Variants in FAM13A observed in about 807,000 individuals in gnomAD.
FAM13A encodes the protein family with sequence similarity 13 member A.
In FAM13A, 76 loss-of-function variants were observed where a neutral mutation model predicts 129.6. The observed-to-expected ratio is 0.59, with a 90% CI of 0.49 to 0.71. The LOEUF is 0.71. Among genes scored for constraint, FAM13A ranks in the 30% least tolerant of loss-of-function variants. The probability of loss-of-function intolerance (pLI) is 0.00; values close to 1 mark genes in which losing one functional copy is unlikely to be tolerated. For missense variants in FAM13A, 1,108 were observed against 1,249.3 expected (o/e 0.89, Z 1.70); for synonymous variants, 443 against 449.9 (o/e 0.98, Z 0.20).
intron 2 of FAM13A, among the ~76,000 whole-genome samples, chr4:89,025,694 G>A (rs1303488043): frequency 6.6e-6 from 1 of 152,126 alleles, no homozygotes; most frequent in Non-Finnish European, 1.5e-5. Context: ...TTAAAAATGA[G>A]TAAAGCTCTT....
At position 88,906,362 on chromosome 4, in the gene FAM13A, G is replaced by T; in HGVS notation, c.843+17C>A. ...TAAAGATTTCACATGGTCGCCTACA[G>T]AGAAAACATAGTTTACCTTGGTTTT... On this transcript the variant is annotated intron_variant, in intron 6 of 23. Transcript: ENST00000264344. The T allele has an allele frequency of 6.5e-7, 1 of 1,531,596 alleles. No homozygotes were observed. The highest frequency in any genetic ancestry group is 9.0e-7 in the Non-Finnish European group (1 of 1,110,812). 94.9% of individuals were successfully genotyped at this position (1,531,596 alleles called of 1,614,324 possible).
chr4:88,730,159 A>G (rs1479242708), intron 23 of FAM13A: 1 of 152,204 alleles, frequency 6.6e-6, no homozygotes, highest in African/African-American at 2.4e-5. Flanking sequence ...AAGAGGACTC[A>G]AGAGAAACAA....
At chr4:88,759,513 A>T (rs574464368) in intron 13 of FAM13A, 8 of 152,340 alleles carry the variant, frequency 5.3e-5, no homozygotes, top group African/African-American at 1.2e-4. Flanking sequence ...TTGTTGCGCA[A>T]ATTCAAACAG....
chr4:88,814,994 C>T (rs766297891), intron 7 of FAM13A, among the ~76,000 whole-genome samples: 6 of 151,980 alleles, frequency 3.9e-5, no homozygotes, highest in Non-Finnish European at 8.8e-5. Flanking sequence ...CATATGCCAC[C>T]ATGCACAGAT....
At chr4:89,034,710 C>A (rs1389286035) in intron 1 of FAM13A, among the ~76,000 whole-genome samples, 1 of 152,088 alleles carries the variant, frequency 6.6e-6, no homozygotes, top group East Asian at 1.9e-4. Flanking sequence ...GGCGAAACCC[C>A]ATCTCTACTA....
At position 88,747,030 on chromosome 4, in the gene FAM13A, G is replaced by A; in HGVS notation, c.2383-15C>T. ...TTGGTCATATCCTGTATAAACACAG[G>A]GATAGAGAATTGAAAGAGAGGAAAA... is the stretch of plus-strand genomic sequence containing the variant. On this transcript the variant is annotated splice_polypyrimidine_tract_variant and intron_variant, in intron 18 of 23. Transcript: ENST00000264344. The A allele has an allele frequency of 3.2e-6, 5 of 1,548,246 alleles. No homozygotes were observed. In the South Asian group the frequency reaches 4.5e-5, roughly 14 times the overall value.
At chr4:89,037,254 T>C (rs1165560429) in intron 1 of FAM13A, among the ~76,000 whole-genome samples, 1 of 152,226 alleles carries the variant, frequency 6.6e-6, no homozygotes, top group East Asian at 1.9e-4. Flanking sequence ...CCCAAGTCCT[T>C]GGGAGCCCAC....
At chr4:88,802,764 C>T (rs951618721) in intron 8 of FAM13A, among the ~76,000 whole-genome samples, 15 of 152,134 alleles carry the variant, frequency 9.9e-5, no homozygotes, top group African/African-American at 2.9e-4. Context: ...ACACGCTCTC[C>T]GTCTGCATCC....
intron 5 of FAM13A, among the ~76,000 whole-genome samples, chr4:88,924,072 G>C (rs1221413453): frequency 6.6e-6 from 1 of 152,130 alleles, no homozygotes; most frequent in Non-Finnish European, 1.5e-5. Flanking sequence ...ACAAATGGAA[G>C]AACATTCCAT....
chr4:88,820,128 T>C (rs550311657), intron 7 of FAM13A, among the ~76,000 whole-genome samples: 1 of 152,348 alleles, frequency 6.6e-6, no homozygotes, highest in Non-Finnish European at 1.5e-5. Flanking sequence ...GTATCTTCTA[T>C]ACACTCTCAC....
At chr4:88,951,104 C>A (rs1408568872) in intron 4 of FAM13A, among the ~76,000 whole-genome samples, 3 of 152,160 alleles carry the variant, frequency 2.0e-5, no homozygotes, top group Admixed American at 1.3e-4. Context: ...CCCTGGGCTG[C>A]TGCTGTTTAT....
At chr4:88,945,964 C>G (rs1038625022) in intron 4 of FAM13A, among the ~76,000 whole-genome samples, 2 of 70,854 alleles carry the variant, frequency 2.8e-5, no homozygotes, top group African/African-American at 6.1e-5. Context: ...CACATAGTAT[C>G]TGTGTGTGTG....
chr4:88,912,774 A>C (rs1749293586), intron 5 of FAM13A, among the ~76,000 whole-genome samples: 1 of 152,092 alleles, frequency 6.6e-6, no homozygotes, highest in South Asian at 2.1e-4. Context: ...TACTAAAGAG[A>C]AGTCTAAGCC....
chr4:88,834,109 A>G (rs1249026398), intron 7 of FAM13A, among the ~76,000 whole-genome samples: 1 of 123,182 alleles, frequency 8.1e-6, no homozygotes, highest in Non-Finnish European at 1.6e-5. Context: ...ATAAGGTCTC[A>G]CTATGTTGCC....
chr4:88,947,401 T>A (rs1756085610), intron 4 of FAM13A, among the ~76,000 whole-genome samples: 1 of 152,158 alleles, frequency 6.6e-6, no homozygotes, highest in South Asian at 2.1e-4. Context: ...AGAGAGAAAC[T>A]GTCTCAAAAC....
In FAM13A at chr4:88,750,464, CTG is replaced by C; in HGVS notation, c.1898_1899del (p.Thr633ArgfsTer24). On this transcript the variant is annotated frameshift_variant, in exon 15 of 24. Transcript: ENST00000264344. LOFTEE classifies it high-confidence loss of function. The stretch of plus-strand genomic sequence containing the variant: ...GAGTTTGGTGGGGAAGGAGGCACTT[CTG>C]TGTCATCCAGGTATTGCCTGCTCTG... ...YGQSRQYLDD[T>X]EVPPSPPNSH... 1 of 1,614,188 alleles carries C rather than the reference CTG, an allele frequency of 6.2e-7. No homozygotes were observed. The highest frequency in any genetic ancestry group is 8.5e-7 in the Non-Finnish European group (1 of 1,180,032).
At chr4:88,923,972 A>G (rs1350674603) in intron 5 of FAM13A, among the ~76,000 whole-genome samples, 2 of 152,174 alleles carry the variant, frequency 1.3e-5, no homozygotes, top group South Asian at 2.1e-4. Context: ...AAGAGAATAA[A>G]ATACCTAGGA....
At chr4:88,825,755 CAT>C (rs1375509195) in intron 7 of FAM13A, among the ~76,000 whole-genome samples, 2 of 152,268 alleles carry the variant, frequency 1.3e-5, no homozygotes, top group African/African-American at 4.8e-5. Flanking sequence ...TTAGATTTCA[CAT>C]ATATTTCCTA....
At chr4:88,880,985 G>A (rs905492130) in intron 6 of FAM13A, among the ~76,000 whole-genome samples, 11 of 152,024 alleles carry the variant, frequency 7.2e-5, no homozygotes, top group Non-Finnish European at 1.0e-4. Flanking sequence ...AGCAAGTCCC[G>A]CCCAAGAAGA....
Sources: gnomAD v4.1 joint callset for allele counts (sites outside exome capture counted in the v4.1 genomes callset) on GRCh38, gnomAD v4.1.1 for gene constraint, MANE v1.5 for transcripts, NCBI Gene and HGNC (gene_info 2026-07-23, HGNC 2026-07-21) for gene names.